Variants in CNTD1 observed in about 807,000 individuals in gnomAD.
CNTD1 encodes cyclin N-terminal domain-containing protein 1.
A neutral mutation model predicts 36.3 loss-of-function variants in CNTD1; 17 were observed. The observed-to-expected ratio is 0.47, with a 90% CI of 0.32 to 0.70. The LOEUF (loss-of-function observed/expected upper bound fraction) is 0.70. CNTD1 is among the 30% of genes least tolerant of loss of function. CNTD1 has a pLI of 0.03. For missense variants in CNTD1, 338 were observed against 386.1 expected (o/e 0.88, Z 1.04); for synonymous variants, 128 against 153.3 (o/e 0.83, Z 1.22).
Position 42,809,701 on chromosome 17 carries a change from C to T in CNTD1, c.*166C>T, listed in dbSNP as rs905426862. On this transcript the variant is annotated 3_prime_UTR_variant, in exon 7 of 7. Transcript: ENST00000588408. The stretch of plus-strand genomic sequence containing the variant: ...CTTTATCAGAGAGAGTTAAGGTGGA[C>T]GAGCATGCCCTTTTTGTCATATCAG... The T allele has an allele frequency of 3.9e-5, 23 of 590,238 alleles. No homozygotes were observed. The highest frequency in any genetic ancestry group is 2.3e-4 in the African/African-American group (12 of 52,722). The allele number at this position is 590,238 out of a possible 1,614,324, so 36.6% of individuals were successfully genotyped here.
intron 6 of CNTD1, among the ~76,000 whole-genome samples, chr17:42,808,246 CA>C (rs2144130208): frequency 6.6e-6 from 1 of 152,030 alleles, no homozygotes; most frequent in African/African-American, 2.4e-5. Flanking sequence ...CTTGTCTCTA[CA>C]AAAATTAAAA....
intron 1 of CNTD1, among the ~76,000 whole-genome samples, chr17:42,801,510 A>ATATATAT (rs1555546481): frequency 3.1e-4 from 17 of 54,326 alleles, no homozygotes; most frequent in Non-Finnish European, 4.7e-4. Context: ...AAAAAAAAAA[A>ATATATAT]ATATATATAT....
rs768984515 is a variant in CNTD1 at position 42,811,468 on chromosome 17, G to A, written c.*1933G>A. The A allele has an allele frequency of 1.7e-6, 1 of 605,426 alleles. No individual in the cohort carries two copies. Among genetic ancestry groups the A allele is most frequent in the South Asian group, 3.4e-5 (1 of 29,170 alleles). The allele number at this position is 605,426 out of a possible 1,614,324, so 37.5% of individuals were successfully genotyped here. ...CTAAGGCAACATTCTTCTACTCCAA[G>A]GACTAGGTGGTCACATTCTGTCCTG... is the stretch of plus-strand genomic sequence containing the variant. On this transcript the variant is annotated 3_prime_UTR_variant, in exon 7 of 7. Transcript: ENST00000588408.
Position 42,811,372 on chromosome 17 carries a change from C to G in CNTD1, c.*1837C>G. On this transcript the variant is annotated 3_prime_UTR_variant, in exon 7 of 7. Coordinates refer to ENST00000588408, the MANE Select transcript of CNTD1 (RefSeq NM_173478.3). ...AAGCATTCCTGTGTATTTCCAAGGG[C>G]TTCAGGGAAAAACCTTCTTGAAACT... is the stretch of plus-strand genomic sequence containing the variant. 1 of 345,028 alleles carries G rather than the reference C, an allele frequency of 2.9e-6. No individual in the cohort carries two copies. Among genetic ancestry groups the G allele is most frequent in the Non-Finnish European group, 5.2e-6 (1 of 193,280 alleles). The allele number at this position is 345,028 out of a possible 1,614,324, so 21.4% of individuals were successfully genotyped here. A position where few individuals can be genotyped will look rare whatever the true frequency, so the allele number is the denominator to read the frequency against.
intron 3 of CNTD1, among the ~76,000 whole-genome samples, chr17:42,805,034 A>T (rs924499327): frequency 6.6e-6 from 1 of 151,926 alleles, no homozygotes; most frequent in African/African-American, 2.4e-5. Context: ...CATCATTCAT[A>T]CTGGTCACCT....
rs775342957 is a variant in CNTD1 at position 42,804,317 on chromosome 17, AAC to A, written c.340_341del (p.Gln114AlafsTer45). On this transcript the variant is annotated frameshift_variant, in exon 3 of 7. Transcript: ENST00000588408. LOFTEE classifies it high-confidence loss of function. The stretch of plus-strand genomic sequence containing the variant: ...GAGTCTCAGAATTGGAGGGCTCTGA[AAC>A]AGCAGCTTGTCAACAAGTTTACTCT... 6.2e-7 allele frequency: 1 copy of A among 1,614,060 alleles called. No homozygotes were observed.
chr17:42,811,043 G>C lies in CNTD1; in HGVS notation c.*1508G>C, dbSNP rs1264869450. The stretch of plus-strand genomic sequence containing the variant: ...CATTTTATCTATTAAAGAACACTTG[G>C]TGAGGAATGATAGTGTATTTTGGAT... On this transcript the variant is annotated 3_prime_UTR_variant, in exon 7 of 7. Transcript: ENST00000588408. The C allele has an allele frequency of 7.2e-6, 8 of 1,109,484 alleles. No individual in the cohort carries two copies. The highest frequency in any genetic ancestry group is 9.9e-6 in the Non-Finnish European group (8 of 808,822). The allele number at this position is 1,109,484 out of a possible 1,614,324, so 68.7% of individuals were successfully genotyped here.
chr17:42,800,977 G>A (rs950618999), intron 1 of CNTD1, among the ~76,000 whole-genome samples: 10 of 152,118 alleles, frequency 6.6e-5, no homozygotes, highest in Admixed American at 1.3e-4. Flanking sequence ...ACGAGGTCAG[G>A]GGTTCGAGAC....
At position 42,810,882 on chromosome 17, in the gene CNTD1, C is replaced by T. The variant is rs763193803; in HGVS notation, c.*1347C>T. On this transcript the variant is annotated 3_prime_UTR_variant, in exon 7 of 7. Coordinates refer to ENST00000588408, the MANE Select transcript of CNTD1 (RefSeq NM_173478.3). ...AACTGGGTTTTGATGGAATAGGAGCCGCCACTGCCTCCTGTGTCTTCAATC... is the reference window on the plus strand; with the variant it reads ...AACTGGGTTTTGATGGAATAGGAGCTGCCACTGCCTCCTGTGTCTTCAATC... 3.1e-6 allele frequency: 5 copies of T among 1,612,714 alleles called. No homozygotes were observed. The South Asian group carries it at 4.4e-5, about 14-fold the overall frequency.
At chr17:42,807,888 G>C (rs375404313) in intron 6 of CNTD1, 24 bp downstream of exon 6, 1 of 1,521,258 alleles carries the variant, frequency 6.6e-7, no homozygotes, top group Non-Finnish European at 9.1e-7. Context: ...AGCAGGACCA[G>C]CATGGTGAGA....
chr17:42,801,201 C>CA (rs1260042578), intron 1 of CNTD1, among the ~76,000 whole-genome samples: 24 of 134,754 alleles, frequency 1.8e-4, no homozygotes, highest in African/African-American at 6.8e-4. Flanking sequence ...AAAAAAAAAA[C>CA]AACAACAAAA....
At chr17:42,804,441 A>G in intron 3 of CNTD1, 45 bp downstream of exon 3, 1 of 1,543,982 alleles carries the variant, frequency 6.5e-7, no homozygotes. Flanking sequence ...GTTAGGAAGA[A>G]ACCAGCTTTT....
intron 4 of CNTD1, 141 bp downstream of exon 4, chr17:42,806,025 C>T: frequency 1.5e-6 from 1 of 683,142 alleles, no homozygotes; most frequent in East Asian, 3.1e-5. Context: ...GCCAGGAGTT[C>T]AAGACCAGCC....
In CNTD1 at chr17:42,808,205, T is replaced by C. The variant is rs1014918297; in HGVS notation, c.822+341T>C. Among the ~76,000 whole-genome samples the C allele has an allele frequency of 4.0e-5, 6 of 151,278 alleles. No individual in the cohort carries two copies. The East Asian group carries it at 1.2e-3, about 29-fold the overall frequency. The stretch of plus-strand genomic sequence containing the variant: ...CAGGAGAACTGTTTGAGCCCAGGAG[T>C]TCAAGACCAGCCTGGTCAACACAGC... On this transcript the variant is annotated intron_variant, in intron 6 of 6. Coordinates refer to ENST00000588408, the MANE Select transcript of CNTD1 (RefSeq NM_173478.3).
chr17:42,798,970 C>T lies in CNTD1; in HGVS notation c.-98C>T, dbSNP rs377213591. Reference sequence around the variant, plus strand: ...CGACGACACACTCATTGGAAGGGGACGAGGAATCCAGGGTGTGGCAGAAGA... The same window carrying T: ...CGACGACACACTCATTGGAAGGGGATGAGGAATCCAGGGTGTGGCAGAAGA... On this transcript the variant is annotated 5_prime_UTR_variant, in exon 1 of 7. In the 5' UTR this introduces an upstream ATG that the reference lacks. Transcript: ENST00000588408. 13 of 1,504,842 alleles carry T rather than the reference C, an allele frequency of 8.6e-6. No homozygotes were observed. The highest frequency in any genetic ancestry group is 7.0e-5 in the African/African-American group (5 of 71,244). The allele number at this position is 1,504,842 out of a possible 1,614,324, so 93.2% of individuals were successfully genotyped here. A position where few individuals can be genotyped will look rare whatever the true frequency, so the allele number is the denominator to read the frequency against.
At chr17:42,805,916 A>G (rs765281988) in intron 4 of CNTD1, 32 bp downstream of exon 4, 4 of 1,576,462 alleles carry the variant, frequency 2.5e-6, no homozygotes, top group Non-Finnish European at 3.4e-6. Context: ...TATGGGTTGG[A>G]GACTTCCATA....
At chr17:42,801,284 A>C (rs575170169) in intron 1 of CNTD1, among the ~76,000 whole-genome samples, 76 of 149,212 alleles carry the variant, frequency 5.1e-4, no homozygotes, top group Admixed American at 4.9e-3. Context: ...TTTGGGAAAG[A>C]TAATAATGGC....
intron 1 of CNTD1, among the ~76,000 whole-genome samples, chr17:42,800,302 A>C (rs1204635503): frequency 6.6e-6 from 1 of 152,152 alleles, no homozygotes; most frequent in Non-Finnish European, 1.5e-5. Context: ...CATTTCAGGC[A>C]GACCTTGAAG....
At chr17:42,799,367 G>T in intron 1 of CNTD1, 131 bp downstream of exon 1, 1 of 1,050,802 alleles carries the variant, frequency 9.5e-7, no homozygotes. Context: ...TGGGGTGCTG[G>T]GGATATAGTG....
Sources: allele counts gnomAD v4.1 joint callset (sites outside exome capture counted in the v4.1 genomes callset), GRCh38; gene constraint gnomAD v4.1.1; transcripts MANE v1.5; gene names NCBI Gene and HGNC (gene_info 2026-07-23, HGNC 2026-07-21).